FBRS: variants seen among roughly 807,000 people sequenced by gnomAD.
The protein encoded by FBRS is probable fibrosin-1.
In FBRS, 15 loss-of-function variants were observed where a neutral mutation model predicts 86.1. That is an observed-to-expected ratio of 0.17 (90% confidence interval 0.12 to 0.27). The LOEUF (loss-of-function observed/expected upper bound fraction) is 0.27. Ranked by LOEUF, FBRS falls within the 10% of genes least tolerant of loss-of-function variation. The pLI, the probability that FBRS is intolerant of heterozygous loss-of-function variation, is 1.00. For missense variants in FBRS, 1,367 were observed against 1,301.6 expected, an observed-to-expected ratio of 1.05 and a Z score of -0.77; for synonymous variants, 666 against 575.8, an observed-to-expected ratio of 1.16 and a Z score of -2.24.
chr16:30,661,479 G>A (rs1368691719), intron 4 of FBRS, 146 bp downstream of exon 4: 12 of 1,465,164 alleles, frequency 8.2e-6, no homozygotes, highest in East Asian at 5.0e-5. Context: ...TGGGAGGAAC[G>A]GGGGTGGATT....
At chr16:30,666,293 A>G (rs987928602) in intron 11 of FBRS, 6 of 616,464 alleles carry the variant, frequency 9.7e-6, no homozygotes, top group African/African-American at 5.5e-5. Flanking sequence ...GCCTTCCAGC[A>G]GGGCAGCTCC....
Position 30,659,733 on chromosome 16 carries a change from C to A in FBRS, c.215C>A (p.Ser72Tyr). The part of the protein sequence containing the change: ...PPARPWSSAS[S>Y]GERPGGPRRR... ...GCCAGGCCTTGGTCGTCAGCTTCGTCTGGAGAGCGGCCTGGGGGCCCGAGA... is the reference window on the plus strand; with the variant it reads ...GCCAGGCCTTGGTCGTCAGCTTCGTATGGAGAGCGGCCTGGGGGCCCGAGA... Residue 72 changes from serine to tyrosine, a missense_variant, in exon 1 of 18, where the codon TCT becomes TAT. Ser to Tyr is a moderately radical substitution (Grantham distance 144). Coordinates refer to ENST00000356166, the MANE Select transcript of FBRS (RefSeq NM_001105079.3). The A allele has an allele frequency of 7.8e-7, 1 of 1,284,892 alleles. No individual in the cohort carries two copies. 79.6% of individuals were successfully genotyped at this position (1,284,892 alleles called of 1,614,324 possible). A position where few individuals can be genotyped will look rare whatever the true frequency, so the allele number is the denominator to read the frequency against.
chr16:30,664,552 A>G, intron 7 of FBRS, 36 bp downstream of exon 7: 1 of 1,422,942 alleles, frequency 7.0e-7, no homozygotes, highest in Non-Finnish European at 9.2e-7. Flanking sequence ...GTGGGGGGCC[A>G]TCACCCCGGG....
chr16:30,661,249 G>C (rs2052457425), intron 3 of FBRS, 34 bp downstream of exon 3: 3 of 1,550,834 alleles, frequency 1.9e-6, no homozygotes, highest in East Asian at 2.4e-5. Flanking sequence ...GCCCCTCCCT[G>C]CTCCACCCTG....
chr16:30,665,343 C>T lies in FBRS; in HGVS notation c.1646C>T (p.Pro549Leu). 1 of 1,566,700 alleles carries T rather than the reference C, an allele frequency of 6.4e-7. No individual in the cohort carries two copies. The highest frequency in any genetic ancestry group is 8.6e-7 in the Non-Finnish European group (1 of 1,156,738). Residue 549 changes from proline to leucine, a missense_variant, in exon 10 of 18, where the codon CCT becomes CTT. By Grantham distance (98) the Pro-to-Leu change is moderately conservative. Coordinates refer to ENST00000356166, the MANE Select transcript of FBRS (RefSeq NM_001105079.3). This position sits in a 1 kb window ranked among gnomAD's most constrained non-coding sequence, Gnocchi z 4.1. ...TTCCCTCCCGCAGTGCCCGGGCTGC[C>T]TCCGGGCCTCCCGCCGGCCGTCTCC... The part of the protein sequence containing the change: ...TAFPPAVPGL[P>L]PGLPPAVSFG...
Position 30,662,666 on chromosome 16 carries a change from C to T in FBRS, c.862C>T (p.Pro288Ser), listed in dbSNP as rs1340654353. ...RSQEQPPGPD[P>S]LLVPFPPKEP... is the part of the protein sequence containing the mutation. ...CCAAGAACAGCCCCCGGGGCCCGAC[C>T]CGCTGCTAGTGCCTTTCCCCCCAAA... Residue 288 changes from proline to serine, a missense_variant, in exon 6 of 18, where the codon CCG (proline) becomes TCG (serine). Transcript: ENST00000356166. The T allele has an allele frequency of 1.3e-6, 2 of 1,549,116 alleles. No individual in the cohort carries two copies. Among genetic ancestry groups the T allele is most frequent in the Non-Finnish European group, 1.7e-6 (2 of 1,146,128 alleles).
rs1412799359 is a variant in FBRS, at chr16:30,659,493, C to A, written c.-26C>A. The A allele has an allele frequency of 1.1e-5, 3 of 285,032 alleles. No individual in the cohort carries two copies. Among genetic ancestry groups the A allele is most frequent in the Non-Finnish European group, 1.9e-5 (3 of 153,932 alleles). The allele number at this position is 285,032 out of a possible 1,614,324, so 17.7% of individuals were successfully genotyped here. A position where few individuals can be genotyped will look rare whatever the true frequency, so the allele number is the denominator to read the frequency against. Reference sequence around the variant, plus strand: ...AGGCCGCTTCGGGCCCCGCCGCCTCCGGATGCGGCGCTGAGGGCGGTCGCC... The same window carrying A: ...AGGCCGCTTCGGGCCCCGCCGCCTCAGGATGCGGCGCTGAGGGCGGTCGCC... On this transcript the variant is annotated 5_prime_UTR_variant, in exon 1 of 18. Coordinates refer to ENST00000356166, the MANE Select transcript of FBRS (RefSeq NM_001105079.3).
In FBRS at chr16:30,668,754, G is replaced by GCTTC; in HGVS notation, c.2159-17_2159-14dup. On this transcript the variant is annotated splice_polypyrimidine_tract_variant and intron_variant, in intron 16 of 17. Coordinates refer to ENST00000356166, the MANE Select transcript of FBRS (RefSeq NM_001105079.3). ...CCACTTCTGGCCCCTGTCACTCTCT[G>GCTTC]CTTCACCCTCTGCCCAGACTCCGGC... 2 of 1,596,570 alleles carry GCTTC rather than the reference G, an allele frequency of 1.3e-6. No individual in the cohort carries two copies. The highest frequency in any genetic ancestry group is 1.7e-6 in the Non-Finnish European group (2 of 1,174,230).
intron 2 of FBRS, among the ~76,000 whole-genome samples, chr16:30,660,827 T>C (rs1376872231): frequency 6.6e-6 from 1 of 152,112 alleles, no homozygotes; most frequent in Non-Finnish European, 1.5e-5. Context: ...GGAGAGATGC[T>C]ACAGAAACCC....
rs2052518793 is a variant in FBRS, at chr16:30,666,053, C to T, written c.1773+347C>T. 7.6e-6 allele frequency: 3 copies of T among 396,650 alleles called. No homozygotes were observed. In the South Asian group the frequency reaches 1.0e-4, roughly 14 times the overall value. 24.6% of individuals were successfully genotyped at this position (396,650 alleles called of 1,614,324 possible). A position where few individuals can be genotyped will look rare whatever the true frequency, so the allele number is the denominator to read the frequency against. ...CTGCCCCTTGGTGAAGTGAGGAGAGCCAGAGCCTCCCTCCCCTTAGCACTT... is the reference window on the plus strand; with the variant it reads ...CTGCCCCTTGGTGAAGTGAGGAGAGTCAGAGCCTCCCTCCCCTTAGCACTT... On this transcript the variant is annotated intron_variant, in intron 11 of 17. Coordinates refer to ENST00000356166, the MANE Select transcript of FBRS (RefSeq NM_001105079.3).
rs1489231965 is a variant in FBRS at position 30,669,794 on chromosome 16, A to T, written c.*149A>T. The T allele has an allele frequency of 2.0e-6, 2 of 1,014,188 alleles. No homozygotes were observed. Among genetic ancestry groups the T allele is most frequent in the African/African-American group, 3.2e-5 (2 of 61,576 alleles). The allele number at this position is 1,014,188 out of a possible 1,614,324, so 62.8% of individuals were successfully genotyped here. ...ATGGAACCTGGGAACAGAAGCCTCA[A>T]CCCCCACAAGACCAAGCATCACATG... On this transcript the variant is annotated 3_prime_UTR_variant, in exon 18 of 18. Transcript: ENST00000356166. The surrounding 1 kb of genome is among the most constrained non-coding windows in gnomAD (Gnocchi z 5.9).
intron 13 of FBRS, 108 bp downstream of exon 13, chr16:30,667,098 C>T: frequency 8.6e-7 from 1 of 1,162,506 alleles, no homozygotes; most frequent in Non-Finnish European, 1.3e-6. Context: ...CAGAAACATT[C>T]TCTCCTGTCC....
At position 30,667,352 on chromosome 16, in the gene FBRS, C is replaced by T. The variant is rs1402771074; in HGVS notation, c.1908C>T (p.Asp636=). The T allele has an allele frequency of 5.1e-6, 8 of 1,554,132 alleles. No homozygotes were observed. In the South Asian group the frequency reaches 5.9e-5, roughly 12 times the overall value. ...CCCACAAGCTTGACTTTCGGAATGA[C>T]CTCCTGCCCTGCCTTCCGGGGCCCT... ...GDSHKLDFRN[D]LLPCLPGPYG... The change falls in exon 14 of 18, where the codon GAC becomes GAT. Residue 636 remains aspartate (D), a synonymous_variant. Coordinates refer to ENST00000356166, the MANE Select transcript of FBRS (RefSeq NM_001105079.3).
At chr16:30,661,357 G>A in intron 4 of FBRS, 24 bp downstream of exon 4, 1 of 1,550,612 alleles carries the variant, frequency 6.4e-7, no homozygotes, top group Non-Finnish European at 8.7e-7. Flanking sequence ...GAGCTTGGGT[G>A]GGCAGTGTCA....
At position 30,662,709 on chromosome 16, in the gene FBRS, C is replaced by G. The variant is rs1451391589; in HGVS notation, c.905C>G (p.Pro302Arg). The G allele has an allele frequency of 6.5e-7, 1 of 1,548,460 alleles. No individual in the cohort carries two copies. The highest frequency in any genetic ancestry group is 2.0e-5 in the Admixed American group (1 of 50,810). Residue 302 changes from proline to arginine, a missense_variant, in exon 6 of 18, where the codon CCG becomes CGG. Coordinates refer to ENST00000356166, the MANE Select transcript of FBRS (RefSeq NM_001105079.3). ...PFPPKEPPPP[P>R]VPRPPVSPPA... The stretch of plus-strand genomic sequence containing the variant: ...CCCCCAAAGGAACCACCGCCTCCAC[C>G]GGTCCCTCGGCCTCCTGTCTCACCC...
rs1308392707 is a variant in FBRS at position 30,669,934 on chromosome 16, GC to G, written c.*293del. ...ATGGGGCCTCCTGAGGTACACCTTTGCCCCTGTAAGGGCCTCTAGGCCCTGG... is the reference window on the plus strand; with the variant it reads ...ATGGGGCCTCCTGAGGTACACCTTTGCCCTGTAAGGGCCTCTAGGCCCTGG... On this transcript the variant is annotated 3_prime_UTR_variant, in exon 18 of 18. Transcript: ENST00000356166. The surrounding 1 kb of genome is among the most constrained non-coding windows in gnomAD (Gnocchi z 5.9). 1 of 561,190 alleles carries G rather than the reference GC, an allele frequency of 1.8e-6. No homozygotes were observed. Among genetic ancestry groups the G allele is most frequent in the African/African-American group, 1.9e-5 (1 of 52,870 alleles). 34.8% of individuals were successfully genotyped at this position (561,190 alleles called of 1,614,324 possible). A position where few individuals can be genotyped will look rare whatever the true frequency, so the allele number is the denominator to read the frequency against.
intron 11 of FBRS, 43 bp from the exon 12 acceptor site, chr16:30,666,469 C>T (rs2052522982): frequency 6.2e-7 from 1 of 1,613,766 alleles, no homozygotes; most frequent in African/African-American, 1.3e-5. Flanking sequence ...TGGCCCAGGA[C>T]TCGGGTCTGA....
chr16:30,667,413 C>T lies in FBRS; in HGVS notation c.1969C>T (p.Pro657Ser), dbSNP rs1388648162. The change falls in exon 14 of 18, where the codon CCG becomes TCG. Residue 657 changes from proline (P) to serine (S), a missense_variant. Around this residue, in one of 3 missense-constraint regions of FBRS, gnomAD observed 659 missense variants for 678.8 expected, o/e 0.97. Coordinates refer to ENST00000356166, the MANE Select transcript of FBRS (RefSeq NM_001105079.3). ...ALPPGQELSH[P>S]ASLFTATGAV... ...GCCCCCTGGGCAGGAGCTCTCCCAC[C>T]CGGCCTCCCTCTTCACTGCGACTGG... 1.9e-6 allele frequency: 3 copies of T among 1,549,166 alleles called. No individual in the cohort carries two copies. The highest frequency in any genetic ancestry group is 2.4e-5 in the South Asian group (2 of 83,948).
At chr16:30,667,803 A>C (rs2052541072) in intron 15 of FBRS, 181 bp downstream of exon 15, 1 of 521,526 alleles carries the variant, frequency 1.9e-6, no homozygotes, top group South Asian at 3.6e-5. Context: ...TGAGTAGGGA[A>C]GGGCAGGGTG....
Sources: gnomAD v4.1 joint callset for allele counts (sites outside exome capture counted in the v4.1 genomes callset) on GRCh38, gnomAD v4.1.1 for gene constraint, gnomAD v4.1.1 regional missense constraint, Gnocchi (gnomAD v3.1) non-coding constraint, MANE v1.5 for transcripts, NCBI Gene and HGNC (gene_info 2026-07-23, HGNC 2026-07-21) for gene names.